HABP4: variants seen among roughly 807,000 people sequenced by gnomAD.
HABP4 encodes the protein intracellular hyaluronan-binding protein 4.
A neutral mutation model predicts 44.1 loss-of-function variants in HABP4; 32 were observed. The observed-to-expected ratio is 0.73, with a 90% CI of 0.55 to 0.97. The LOEUF is 0.97. Ranked by LOEUF, HABP4 falls within the 50% of genes least tolerant of loss-of-function variation. The pLI, the probability that HABP4 is intolerant of heterozygous loss-of-function variation, is 0.00. For missense variants in HABP4, 503 were observed against 561.9 expected (o/e 0.90, Z 1.06); for synonymous variants, 216 against 218.0 (o/e 0.99, Z 0.08).
chr9:96,488,775 C>A lies in HABP4; in HGVS notation c.1185+501C>A, dbSNP rs550605042. On this transcript the variant is annotated intron_variant, in intron 7 of 7. Coordinates refer to ENST00000375249, the MANE Select transcript of HABP4 (RefSeq NM_014282.4). This position sits in a 1 kb window ranked among gnomAD's most constrained non-coding sequence, Gnocchi z 4.6. ...GCACGCTCCTTACCCCTGGCCTCTGCCTGCTGGCCTCCATTCATCCTTCCA... is the reference window on the plus strand; with the variant it reads ...GCACGCTCCTTACCCCTGGCCTCTGACTGCTGGCCTCCATTCATCCTTCCA... Among the ~76,000 whole-genome samples the A allele has an allele frequency of 3.9e-5, 6 of 152,154 alleles. No individual in the cohort carries two copies. Among genetic ancestry groups the A allele is most frequent in the African/African-American group, 1.4e-4 (6 of 41,422 alleles).
intron 1 of HABP4, among the ~76,000 whole-genome samples, chr9:96,456,404 T>A (rs377029595): frequency 5.3e-5 from 8 of 152,186 alleles, no homozygotes; most frequent in East Asian, 1.9e-4. Flanking sequence ...GAAAAGTGTG[T>A]ATCTACATAT....
At chr9:96,454,746 C>T (rs116440958) in intron 1 of HABP4, among the ~76,000 whole-genome samples, 1 of 152,136 alleles carries the variant, frequency 6.6e-6, no homozygotes, top group East Asian at 1.9e-4. Context: ...CCGCGCCTGG[C>T]CCCAGTTCTG....
Position 96,465,787 on chromosome 9 carries a change from T to TCCAC in HABP4, c.743+9_743+10insCCAC, listed in dbSNP as rs749050431. 6.8e-7 allele frequency: 1 copy of TCCAC among 1,465,772 alleles called. No individual in the cohort carries two copies. Among genetic ancestry groups the TCCAC allele is most frequent in the South Asian group, 1.1e-5 (1 of 88,038 alleles). 90.8% of individuals were successfully genotyped at this position (1,465,772 alleles called of 1,614,324 possible). ...TCGGGTAAAGATACCAGGTACGGTG[T>TCCAC]AAGTGTGTGCCCTCTGAGAACCTGC... On this transcript the variant is annotated intron_variant, in intron 4 of 7. Coordinates refer to ENST00000375249, the MANE Select transcript of HABP4 (RefSeq NM_014282.4).
In HABP4 at chr9:96,465,387, C is replaced by T. The variant is rs377167844; in HGVS notation, c.563C>T (p.Pro188Leu). The change falls in exon 3 of 8, where the codon CCG (proline) becomes CTG (leucine). Residue 188 changes from proline to leucine, a missense_variant. Around this residue, in one of 3 missense-constraint regions of HABP4, gnomAD observed 290 missense variants for 300.5 expected, o/e 0.97. Coordinates refer to ENST00000375249, the MANE Select transcript of HABP4 (RefSeq NM_014282.4). ...RDRPLRGRGGPRGGMRGRGRG... is the reference protein window; with the variant it reads ...RDRPLRGRGGLRGGMRGRGRG... ...AGACCGTTGAGAGGACGTGGAGGCC[C>T]GAGAGGGGGTATGCGCGGCAGAGGC... 32 of 1,609,226 alleles carry T rather than the reference C, an allele frequency of 2.0e-5. No homozygotes were observed. Among genetic ancestry groups the T allele is most frequent in the Middle Eastern group, 1.6e-4 (1 of 6,078 alleles).
intron 5 of HABP4, chr9:96,484,056 A>G (rs1003055175): frequency 6.5e-6 from 1 of 154,394 alleles, no homozygotes; most frequent in African/African-American, 2.4e-5. Flanking sequence ...TAAAGAGGAT[A>G]TTTGCAAAAG....
chr9:96,485,055 CT>C (rs869271101), intron 6 of HABP4, among the ~76,000 whole-genome samples: 316 of 144,932 alleles, frequency 2.2e-3, no homozygotes, highest in Middle Eastern at 3.6e-3. Context: ...TAGTTGATGA[CT>C]TTTTTTTTTT....
chr9:96,489,736 C>G (rs2131167363), intron 7 of HABP4, among the ~76,000 whole-genome samples: 1 of 152,330 alleles, frequency 6.6e-6, no homozygotes, highest in South Asian at 2.1e-4. Context: ...ATGCAGAACC[C>G]CCAGTAAGAG....
At chr9:96,457,937 T>C (rs1370055248) in intron 1 of HABP4, among the ~76,000 whole-genome samples, 1 of 152,154 alleles carries the variant, frequency 6.6e-6, no homozygotes, top group Non-Finnish European at 1.5e-5. Flanking sequence ...TAGTAGCCAG[T>C]GATAAGCCAT....
intron 2 of HABP4, among the ~76,000 whole-genome samples, chr9:96,463,599 A>G (rs1224890520): frequency 2.4e-4 from 37 of 151,970 alleles, no homozygotes; most frequent in Admixed American, 2.4e-3. Flanking sequence ...TTTGCTTTAG[A>G]TATTTGCTAT....
intron 6 of HABP4, among the ~76,000 whole-genome samples, chr9:96,485,012 A>T (rs769794861): frequency 9.2e-5 from 14 of 151,832 alleles, no homozygotes; most frequent in Non-Finnish European, 1.8e-4. Context: ...GGTTACTTTC[A>T]ACTCTGTTTC....
chr9:96,489,737 C>T (rs568880845), intron 7 of HABP4, among the ~76,000 whole-genome samples: 8 of 152,332 alleles, frequency 5.3e-5, no homozygotes, highest in South Asian at 2.1e-4. Flanking sequence ...TGCAGAACCC[C>T]CAGTAAGAGC....
At chr9:96,481,372 G>C (rs568363756) in intron 5 of HABP4, among the ~76,000 whole-genome samples, 1 of 152,092 alleles carries the variant, frequency 6.6e-6, no homozygotes, top group Non-Finnish European at 1.5e-5. Flanking sequence ...GATTATAGGT[G>C]TGAGCCACCG....
At chr9:96,481,629 C>A (rs886510629) in intron 5 of HABP4, among the ~76,000 whole-genome samples, 1 of 151,914 alleles carries the variant, frequency 6.6e-6, no homozygotes, top group Non-Finnish European at 1.5e-5. Flanking sequence ...CCTGTAGTCC[C>A]AGCTACTCTC....
At position 96,464,491 on chromosome 9, in the gene HABP4, C is replaced by T. The variant is rs146304770; in HGVS notation, c.513-846C>T. On this transcript the variant is annotated intron_variant, in intron 2 of 7. Transcript: ENST00000375249. ...AAGACAAGTGGTTAGGCACGAGAGG[C>T]AGACGGAGAACTTTTCCCTTCTGTG... 7.2e-5 allele frequency among the ~76,000 whole-genome samples: 11 copies of T among 152,326 alleles called. 1 individual carries two copies. In the East Asian group the frequency reaches 2.1e-3, roughly 29 times the overall value.
chr9:96,474,950 T>C (rs1196878343), intron 5 of HABP4, among the ~76,000 whole-genome samples: 1 of 152,192 alleles, frequency 6.6e-6, no homozygotes, highest in Non-Finnish European at 1.5e-5. Context: ...ATTTTACTGA[T>C]AATTATATGT....
chr9:96,468,790 A>T (rs193200282), intron 4 of HABP4, among the ~76,000 whole-genome samples: 1 of 152,240 alleles, frequency 6.6e-6, no homozygotes, highest in East Asian at 1.9e-4. Flanking sequence ...TTATGTATGT[A>T]TACATATACT....
At position 96,474,257 on chromosome 9, in the gene HABP4, T is replaced by C. The variant is rs184668510; in HGVS notation, c.827+3163T>C. 9.2e-5 allele frequency among the ~76,000 whole-genome samples: 14 copies of C among 152,344 alleles called. No individual in the cohort carries two copies. In the East Asian group the frequency reaches 2.7e-3, roughly 29 times the overall value. ...TAATATGAATATTTAGACAGTGAGC[T>C]AACTAAGGAACTAGATTAACAGTTT... On this transcript the variant is annotated intron_variant, in intron 5 of 7. Transcript: ENST00000375249.
rs771386231 is a variant in HABP4 at position 96,465,348 on chromosome 9, G to C, written c.524G>C (p.Arg175Thr). ...CCACTCCTTCCTAGACCAGGTGATA[G>C]GTTTGATCGAGACAGACCGTTGAGA... ...EKFPDEKPGDRFDRDRPLRGR... is the reference protein window; with the variant it reads ...EKFPDEKPGDTFDRDRPLRGR... The change falls in exon 3 of 8, where the codon AGG becomes ACG. Residue 175 changes from arginine (R) to threonine (T), a missense_variant. Physicochemically the swap from Arg to Thr is moderately conservative, Grantham distance 71 (BLOSUM62 -1). Transcript: ENST00000375249. 1.9e-6 allele frequency: 3 copies of C among 1,608,370 alleles called. No homozygotes were observed. The highest frequency in any genetic ancestry group is 2.6e-6 in the Non-Finnish European group (3 of 1,174,828).
Position 96,459,812 on chromosome 9 carries a change from C to G in HABP4, c.512+1271C>G, listed in dbSNP as rs956732765. ...TGGGTGGGCTGAGCAGGTGATGACTCATGCAGAACTGTTCACCTGGAAGTT... is the reference window on the plus strand; with the variant it reads ...TGGGTGGGCTGAGCAGGTGATGACTGATGCAGAACTGTTCACCTGGAAGTT... On this transcript the variant is annotated intron_variant, in intron 2 of 7. Transcript: ENST00000375249. Among the ~76,000 whole-genome samples the G allele has an allele frequency of 2.0e-5, 3 of 152,190 alleles. No homozygotes were observed. The East Asian group carries it at 5.8e-4, about 29-fold the overall frequency.
Sources: allele counts gnomAD v4.1 joint callset (sites outside exome capture counted in the v4.1 genomes callset), GRCh38; gene constraint gnomAD v4.1.1; regional missense constraint gnomAD v4.1.1; non-coding constraint Gnocchi (gnomAD v3.1); transcripts MANE v1.5; gene names NCBI Gene and HGNC (gene_info 2026-07-23, HGNC 2026-07-21).